The following KIAA0232 variants were observed in gnomAD, a reference collection of about 807,000 sequenced individuals.
The protein encoded by KIAA0232 is KIAA0232.
A neutral mutation model predicts 122.0 loss-of-function variants in KIAA0232; 27 were observed. The observed-to-expected ratio is 0.22, with a 90% CI of 0.16 to 0.31. The LOEUF (loss-of-function observed/expected upper bound fraction) is 0.31. KIAA0232 is among the 10% of genes least tolerant of loss of function. KIAA0232 has a pLI of 1.00. For synonymous variants in KIAA0232, 613 were observed against 587.6 expected (o/e 1.04, Z -0.63); for missense variants, 1,551 against 1,634.2 (o/e 0.95, Z 0.88).
chr4:6,812,238 TGTC>T, intron 2 of KIAA0232, among the ~76,000 whole-genome samples: 1 of 152,214 alleles, frequency 6.6e-6, no homozygotes. Flanking sequence ...TCAAAACCAG[TGTC>T]GTCTAGTAGA....
At chr4:6,848,083 G>A (rs1720065378) in intron 4 of KIAA0232, among the ~76,000 whole-genome samples, 1 of 152,170 alleles carries the variant, frequency 6.6e-6, no homozygotes, top group South Asian at 2.1e-4. Context: ...TTACCCTGGG[G>A]AGCTGACCAG....
chr4:6,859,105 A>G (rs921448909), intron 6 of KIAA0232, among the ~76,000 whole-genome samples: 2 of 150,656 alleles, frequency 1.3e-5, no homozygotes, highest in Admixed American at 6.6e-5. Flanking sequence ...CTTATTAAAA[A>G]AAAAAAAAAA....
intron 4 of KIAA0232, among the ~76,000 whole-genome samples, chr4:6,844,390 T>A (rs1335120906): frequency 6.6e-6 from 1 of 152,122 alleles, no homozygotes; most frequent in Admixed American, 6.5e-5. Context: ...GCTGTTTTCT[T>A]CTCCCCCACC....
intron 9 of KIAA0232, among the ~76,000 whole-genome samples, chr4:6,878,973 C>G (rs1721909984): frequency 6.6e-6 from 1 of 152,124 alleles, no homozygotes; most frequent in Non-Finnish European, 1.5e-5. Context: ...AGCCTCAAAC[C>G]CCAAACTGAG....
At chr4:6,878,974 C>T (rs1310109910) in intron 9 of KIAA0232, among the ~76,000 whole-genome samples, 1 of 152,112 alleles carries the variant, frequency 6.6e-6, no homozygotes, top group Admixed American at 6.6e-5. Flanking sequence ...GCCTCAAACC[C>T]CAAACTGAGA....
intron 1 of KIAA0232, among the ~76,000 whole-genome samples, chr4:6,788,898 A>G (rs1716752607): frequency 6.6e-6 from 1 of 152,200 alleles, no homozygotes; most frequent in Non-Finnish European, 1.5e-5. Context: ...TGTATATGCT[A>G]GTTTATTATG....
intron 7 of KIAA0232, among the ~76,000 whole-genome samples, 198 bp from the exon 8 acceptor site, chr4:6,871,375 AG>A (rs1209434354): frequency 1.3e-5 from 2 of 152,220 alleles, no homozygotes; most frequent in Non-Finnish European, 1.5e-5. Flanking sequence ...TGGAGGTTGC[AG>A]TGAGCCAAGA....
At position 6,790,812 on chromosome 4, in the gene KIAA0232, A is replaced by C. The variant is rs1421874377; in HGVS notation, c.-354+7971A>C. Among the ~76,000 whole-genome samples the C allele has an allele frequency of 1.3e-5, 2 of 151,024 alleles. 1 individual carries two copies. Among genetic ancestry groups the C allele is most frequent in the South Asian group, 4.2e-4 (2 of 4,792 alleles). ...TCTTTCTTTGGTTGTTTTCCTTGCCACTGCTTTCTTTGGTTAGTTACCATC... is the reference window on the plus strand; with the variant it reads ...TCTTTCTTTGGTTGTTTTCCTTGCCCCTGCTTTCTTTGGTTAGTTACCATC... On this transcript the variant is annotated intron_variant, in intron 1 of 9. Coordinates refer to ENST00000307659, the MANE Select transcript of KIAA0232 (RefSeq NM_014743.3).
intron 2 of KIAA0232, among the ~76,000 whole-genome samples, chr4:6,823,143 G>T (rs1340648009): frequency 2.0e-5 from 3 of 151,598 alleles, no homozygotes; most frequent in Non-Finnish European, 4.4e-5. Flanking sequence ...ATTCCATGGT[G>T]TATATGTGCC....
intron 2 of KIAA0232, among the ~76,000 whole-genome samples, chr4:6,818,424 C>T (rs1488354678): frequency 6.9e-6 from 1 of 144,640 alleles, no homozygotes; most frequent in Admixed American, 6.9e-5. Context: ...AAAAAGAATA[C>T]ACTCCCTGGA....
chr4:6,870,742 C>G (rs1721432110), intron 7 of KIAA0232, among the ~76,000 whole-genome samples: 1 of 150,678 alleles, frequency 6.6e-6, no homozygotes, highest in Admixed American at 6.6e-5. Context: ...GCAGAAGTTG[C>G]AGTGAGCTGA....
At chr4:6,787,934 C>A (rs1241095692) in intron 1 of KIAA0232, among the ~76,000 whole-genome samples, 1 of 152,196 alleles carries the variant, frequency 6.6e-6, no homozygotes, top group Admixed American at 6.5e-5. Context: ...CCACACTCCT[C>A]CCCTGGTTGA....
intron 2 of KIAA0232, among the ~76,000 whole-genome samples, chr4:6,823,918 TGGTGCAGGACAGCCTCGAACTCCTG>T (rs1350155211): frequency 6.6e-6 from 1 of 152,166 alleles, no homozygotes; most frequent in Non-Finnish European, 1.5e-5. Flanking sequence ...GGTACAGTCA[TGGTGCAGGACAGCCTCGAACTCCTG>T]GGTTCAGGCA....
intron 3 of KIAA0232, among the ~76,000 whole-genome samples, chr4:6,837,032 C>T (rs962928308): frequency 2.0e-5 from 3 of 152,238 alleles, no homozygotes; most frequent in African/African-American, 7.2e-5. Flanking sequence ...CCATCGTCAT[C>T]ATGGCCCATT....
intron 2 of KIAA0232, among the ~76,000 whole-genome samples, chr4:6,806,424 A>G (rs1717615482): frequency 6.6e-6 from 1 of 152,196 alleles, no homozygotes. Context: ...ACAATTAAAC[A>G]ATAAGTTCAA....
intron 3 of KIAA0232, among the ~76,000 whole-genome samples, chr4:6,840,960 A>G (rs1284395801): frequency 1.3e-5 from 2 of 152,224 alleles, no homozygotes; most frequent in Admixed American, 1.3e-4. Context: ...AAGTTATGGT[A>G]CATTAACGTA....
intron 4 of KIAA0232, among the ~76,000 whole-genome samples, chr4:6,844,464 CAG>C (rs1413569944): frequency 6.6e-6 from 1 of 151,738 alleles, no homozygotes; most frequent in African/African-American, 2.4e-5. Flanking sequence ...TTTGAGACGA[CAG>C]AGTCTTACTC....
intron 4 of KIAA0232, among the ~76,000 whole-genome samples, chr4:6,856,260 G>A (rs141802936): frequency 6.6e-6 from 1 of 152,140 alleles, no homozygotes; most frequent in East Asian, 1.9e-4. Context: ...TCCATCACGC[G>A]CATCTGTTTG....
intron 7 of KIAA0232, among the ~76,000 whole-genome samples, chr4:6,869,946 A>T (rs1337766801): frequency 6.6e-6 from 1 of 152,242 alleles, no homozygotes; most frequent in Non-Finnish European, 1.5e-5. Context: ...CACTAAGCAG[A>T]TGTCTACTGA....
Sources: gnomAD v4.1 joint callset for allele counts (sites outside exome capture counted in the v4.1 genomes callset) on GRCh38, gnomAD v4.1.1 for gene constraint, MANE v1.5 for transcripts, NCBI Gene and HGNC (gene_info 2026-07-23, HGNC 2026-07-21) for gene names.